GNAZ: variants seen among roughly 807,000 people sequenced by gnomAD.
The protein encoded by GNAZ is guanine nucleotide-binding protein G(z) subunit alpha.
In GNAZ, 3 loss-of-function variants were observed where a neutral mutation model predicts 25.4. The observed-to-expected ratio is 0.12, with a 90% CI of 0.05 to 0.30. The LOEUF (loss-of-function observed/expected upper bound fraction) is 0.30, where lower values mean the gene tolerates loss of function less well. Among genes scored for constraint, GNAZ ranks in the 10% least tolerant of loss-of-function variants. The pLI, the probability that GNAZ is intolerant of heterozygous loss-of-function variation, is 1.00. For synonymous variants in GNAZ, 211 were observed against 205.7 expected (o/e 1.03, Z -0.22); for missense variants, 241 against 501.8 (o/e 0.48, Z 4.97).
At chr22:23,097,631 T>C (rs991258520) in intron 2 of GNAZ, among the ~76,000 whole-genome samples, 12 of 152,262 alleles carry the variant, frequency 7.9e-5, no homozygotes, top group Non-Finnish European at 1.6e-4. Context: ...TGTGTATCTG[T>C]GTGCTCTCCA....
At chr22:23,113,771 C>G (rs2146370773) in intron 2 of GNAZ, among the ~76,000 whole-genome samples, 1 of 152,356 alleles carries the variant, frequency 6.6e-6, no homozygotes, top group Admixed American at 6.5e-5. Flanking sequence ...CCCAGACCCC[C>G]TCGGCAGCAC....
intron 2 of GNAZ, among the ~76,000 whole-genome samples, chr22:23,110,421 C>T (rs891406221): frequency 2.0e-5 from 3 of 152,210 alleles, no homozygotes; most frequent in Admixed American, 2.0e-4. Context: ...AGGAGGCCCA[C>T]CCCACCCATG....
At chr22:23,077,168 C>A (rs1266004533) in intron 1 of GNAZ, among the ~76,000 whole-genome samples, 1 of 152,104 alleles carries the variant, frequency 6.6e-6, no homozygotes, top group Non-Finnish European at 1.5e-5. Context: ...ACCACTGTAC[C>A]CCCTCCTATC....
chr22:23,099,718 A>G (rs1465465130), intron 2 of GNAZ, among the ~76,000 whole-genome samples: 1 of 152,240 alleles, frequency 6.6e-6, no homozygotes, highest in South Asian at 2.1e-4. Flanking sequence ...TCTTTAGTAC[A>G]TTCACACAAG....
chr22:23,119,568 CCTT>C (rs1206442993), intron 2 of GNAZ, among the ~76,000 whole-genome samples: 2 of 152,238 alleles, frequency 1.3e-5, no homozygotes, highest in East Asian at 3.8e-4. Flanking sequence ...GGCCCTCTGA[CCTT>C]CTTTATAGCC....
chr22:23,098,797 C>T (rs1178805199), intron 2 of GNAZ, among the ~76,000 whole-genome samples: 1 of 152,248 alleles, frequency 6.6e-6, no homozygotes, highest in Non-Finnish European at 1.5e-5. Flanking sequence ...GCAGGCTGGG[C>T]TGGCCCCGGA....
chr22:23,119,454 G>C (rs1001353270), intron 2 of GNAZ, among the ~76,000 whole-genome samples: 1 of 152,178 alleles, frequency 6.6e-6, no homozygotes. Flanking sequence ...CCCCATCTCT[G>C]AGAGCTGCAG....
intron 1 of GNAZ, among the ~76,000 whole-genome samples, chr22:23,093,396 A>G (rs2069042012): frequency 6.6e-6 from 1 of 152,090 alleles, no homozygotes; most frequent in South Asian, 2.1e-4. Flanking sequence ...CCCACTGTGC[A>G]CTGGGCACTG....
At chr22:23,104,481 T>G (rs1303708569) in intron 2 of GNAZ, among the ~76,000 whole-genome samples, 3 of 152,216 alleles carry the variant, frequency 2.0e-5, no homozygotes, top group Non-Finnish European at 4.4e-5. Flanking sequence ...CTGCATCGGC[T>G]AGGCTTGCCC....
chr22:23,080,550 G>C (rs1443448054), intron 1 of GNAZ, among the ~76,000 whole-genome samples: 5 of 152,216 alleles, frequency 3.3e-5, no homozygotes, highest in Non-Finnish European at 5.9e-5. Flanking sequence ...AAGAAAGGAG[G>C]ACCTGTTTCT....
At chr22:23,097,344 G>A (rs774148441) in intron 2 of GNAZ, among the ~76,000 whole-genome samples, 4 of 152,196 alleles carry the variant, frequency 2.6e-5, no homozygotes, top group Non-Finnish European at 4.4e-5. Context: ...TAGGTTCAGC[G>A]GAGAGCAACA....
chr22:23,116,549 AG>A (rs2069841508), intron 2 of GNAZ, among the ~76,000 whole-genome samples: 1 of 152,242 alleles, frequency 6.6e-6, no homozygotes, highest in African/African-American at 2.4e-5. Context: ...CCTGTGAGGC[AG>A]GGACAGGAAG....
chr22:23,116,282 T>C (rs1040174939), intron 2 of GNAZ, among the ~76,000 whole-genome samples: 16 of 152,050 alleles, frequency 1.1e-4, no homozygotes, highest in African/African-American at 3.9e-4. Flanking sequence ...AACTTGGAGG[T>C]GGAGCTGCGG....
Position 23,071,896 on chromosome 22 carries a change from G to T in GNAZ, c.-450+1326G>T, listed in dbSNP as rs2068388032. On this transcript the variant is annotated intron_variant, in intron 1 of 2. Transcript: ENST00000615612. This position sits in a 1 kb window ranked among gnomAD's most constrained non-coding sequence, Gnocchi z 4.1. ...TCTGATGGGAGCACTTAGCATGCCT[G>T]GGGAGTAGGAGGAGGTATGGCGGGA... 6.6e-6 allele frequency among the ~76,000 whole-genome samples: 1 copy of T among 152,206 alleles called. No individual in the cohort carries two copies. The highest frequency in any genetic ancestry group is 2.1e-4 in the South Asian group (1 of 4,830).
intron 1 of GNAZ, among the ~76,000 whole-genome samples, chr22:23,080,505 T>C (rs1185954712): frequency 1.3e-5 from 2 of 152,234 alleles, no homozygotes; most frequent in Non-Finnish European, 2.9e-5. Context: ...GCTCGGACTA[T>C]GGCTTCAGGA....
In GNAZ at chr22:23,095,847, A is replaced by G; in HGVS notation, c.152A>G (p.Lys51Arg). 1.2e-6 allele frequency: 2 copies of G among 1,613,822 alleles called. No homozygotes were observed. The highest frequency in any genetic ancestry group is 2.2e-5 in the East Asian group (1 of 44,878). The change falls in exon 2 of 3, where the codon AAA becomes AGA. Residue 51 changes from lysine to arginine, a missense_variant. Lys to Arg is a conservative substitution (Grantham distance 26). Coordinates refer to ENST00000615612, the MANE Select transcript of GNAZ (RefSeq NM_002073.4). ...AACTCAGGCAAGAGCACCATCGTCAAACAGATGAAGATCATCCACAGCGGC... is the reference window on the plus strand; with the variant it reads ...AACTCAGGCAAGAGCACCATCGTCAGACAGATGAAGATCATCCACAGCGGC... The part of the protein sequence containing the change: ...TSNSGKSTIV[K>R]QMKIIHSGGF...
chr22:23,093,664 G>A (rs1485871790), intron 1 of GNAZ, among the ~76,000 whole-genome samples: 1 of 152,210 alleles, frequency 6.6e-6, no homozygotes, highest in Non-Finnish European at 1.5e-5. Context: ...GGCCAGTGAG[G>A]GACAGGCTCT....
At chr22:23,084,706 C>T (rs1400351716) in intron 1 of GNAZ, among the ~76,000 whole-genome samples, 1 of 152,210 alleles carries the variant, frequency 6.6e-6, no homozygotes, top group Admixed American at 6.5e-5. Flanking sequence ...GCTGCAGCCC[C>T]GCCCTTCACT....
intron 2 of GNAZ, among the ~76,000 whole-genome samples, chr22:23,112,603 G>T (rs2069686012): frequency 6.6e-6 from 1 of 152,116 alleles, no homozygotes; most frequent in South Asian, 2.1e-4. Flanking sequence ...GTGGCAGGGA[G>T]ACCCCCTTCT....
Sources: gnomAD v4.1 joint callset for allele counts (sites outside exome capture counted in the v4.1 genomes callset) on GRCh38, gnomAD v4.1.1 for gene constraint, Gnocchi (gnomAD v3.1) non-coding constraint, MANE v1.5 for transcripts, NCBI Gene and HGNC (gene_info 2026-07-23, HGNC 2026-07-21) for gene names.